The following CLINT1 variants were observed in gnomAD, a reference collection of about 807,000 sequenced individuals.
CLINT1 encodes clathrin interacting protein localized in the trans-Golgi region.
CLINT1 carries 15 observed loss-of-function variants against 70.4 expected under a neutral mutation model. The ratio of observed to expected loss-of-function variants is 0.21; its 90% CI spans 0.14 to 0.33. CLINT1 has a LOEUF of 0.33. Ranked by LOEUF, CLINT1 falls within the 10% of genes least tolerant of loss-of-function variation. The pLI is 1.00. For synonymous variants in CLINT1, 227 were observed against 254.7 expected (o/e 0.89, Z 1.04); for missense variants, 615 against 778.1 (o/e 0.79, Z 2.49).
At chr5:157,788,570 C>A (rs575417571) in intron 11 of CLINT1, among the ~76,000 whole-genome samples, 1 of 152,184 alleles carries the variant, frequency 6.6e-6, no homozygotes, top group Admixed American at 6.5e-5. Context: ...AGCTAACAAT[C>A]ATTTTCCTAA....
chr5:157,846,872 C>T (rs969132346), intron 1 of CLINT1, among the ~76,000 whole-genome samples: 4 of 152,144 alleles, frequency 2.6e-5, no homozygotes, highest in Admixed American at 6.6e-5. Flanking sequence ...TAAATGATGG[C>T]GCATCTGTTT....
chr5:157,816,794 C>A lies in CLINT1; in HGVS notation c.183G>T (p.Met61Ile). Reference protein sequence around the residue: ...TFMYEQFPELMNMLWSRMLKD... With the variant: ...TFMYEQFPELINMLWSRMLKD... ...TTAACATTCGTGACCAAAGCATGTT[C>A]ATAAGTTCTGGAAATTGTTCATACA... The change falls in exon 3 of 12, where the codon ATG becomes ATT. Residue 61 changes from methionine to isoleucine, a missense_variant. By Grantham distance (10) the Met-to-Ile change is conservative (BLOSUM62 1). This residue lies in a region of CLINT1 where 241 missense variants were observed against 368.6 expected (regional missense o/e 0.65). Transcript: ENST00000411809. 6.2e-7 allele frequency: 1 copy of A among 1,610,914 alleles called. No individual in the cohort carries two copies. The highest frequency in any genetic ancestry group is 1.1e-5 in the South Asian group (1 of 90,618).
intron 1 of CLINT1, among the ~76,000 whole-genome samples, chr5:157,822,433 C>T (rs372142825): frequency 8.5e-4 from 130 of 152,288 alleles, no homozygotes; most frequent in African/African-American, 3.0e-3. Context: ...TTTCACCTCC[C>T]GCCATGATTC....
rs915311913 is a variant in CLINT1, at chr5:157,838,166, G to T, written c.42-20619C>A. The stretch of plus-strand genomic sequence containing the variant: ...GATGGAGTCTTGCTCTGTTGCCCAG[G>T]GGCTGGAGTGCAGTGGCACGATCTC... On this transcript the variant is annotated intron_variant, in intron 1 of 11. Transcript: ENST00000411809. 3.4e-5 allele frequency among the ~76,000 whole-genome samples: 5 copies of T among 147,192 alleles called. No homozygotes were observed. In the Middle Eastern group the frequency reaches 0.011, roughly 318 times the overall value.
chr5:157,790,452 AG>A (rs1761867529), intron 10 of CLINT1: 4 of 327,764 alleles, frequency 1.2e-5, no homozygotes, highest in Non-Finnish European at 2.3e-5. Flanking sequence ...TGAAAAGGAC[AG>A]AAAAAAGGAA....
chr5:157,800,438 G>A (rs568301694), intron 8 of CLINT1, among the ~76,000 whole-genome samples: 6 of 152,124 alleles, frequency 3.9e-5, no homozygotes, highest in Non-Finnish European at 7.4e-5. Context: ...ATACCTTCTC[G>A]TGTAAGTGCT....
intron 10 of CLINT1, among the ~76,000 whole-genome samples, chr5:157,791,383 A>G (rs150607049): frequency 2.0e-5 from 3 of 152,142 alleles, no homozygotes; most frequent in Non-Finnish European, 4.4e-5. Context: ...AAGACAATTT[A>G]AAAAAACTAT....
intron 1 of CLINT1, among the ~76,000 whole-genome samples, chr5:157,830,496 C>T (rs955067592): frequency 1.3e-5 from 2 of 152,092 alleles, no homozygotes; most frequent in Non-Finnish European, 2.9e-5. Flanking sequence ...ACATCATCTG[C>T]TTTATTCTTT....
chr5:157,826,995 A>C (rs1347513102), intron 1 of CLINT1, among the ~76,000 whole-genome samples: 2 of 152,194 alleles, frequency 1.3e-5, no homozygotes, highest in African/African-American at 4.8e-5. Flanking sequence ...AGTTTACCTA[A>C]CATTCCAAGA....
chr5:157,813,542 T>C (rs1219280627), intron 4 of CLINT1, among the ~76,000 whole-genome samples: 1 of 152,162 alleles, frequency 6.6e-6, no homozygotes, highest in African/African-American at 2.4e-5. Flanking sequence ...AATAGACATA[T>C]CCATAAGTGC....
At position 157,805,856 on chromosome 5, in the gene CLINT1, C is replaced by T; in HGVS notation, c.942+10G>A. On this transcript the variant is annotated intron_variant, in intron 7 of 11. Coordinates refer to ENST00000411809, the MANE Select transcript of CLINT1 (RefSeq NM_014666.4). ...ACCATGTATAATGTGTAAACTACTG[C>T]CATTCCCACCTTAACTGAAGACTGA... 6.2e-7 allele frequency: 1 copy of T among 1,613,866 alleles called. No homozygotes were observed. Among genetic ancestry groups the T allele is most frequent in the Non-Finnish European group, 8.5e-7 (1 of 1,179,816 alleles).
intron 1 of CLINT1, among the ~76,000 whole-genome samples, chr5:157,835,438 C>T (rs1763386108): frequency 6.6e-6 from 1 of 152,104 alleles, no homozygotes; most frequent in African/African-American, 2.4e-5. Flanking sequence ...GAACCTACCC[C>T]TGTGTTTTCC....
At chr5:157,849,440 A>G (rs1313336033) in intron 1 of CLINT1, among the ~76,000 whole-genome samples, 1 of 152,244 alleles carries the variant, frequency 6.6e-6, no homozygotes, top group Non-Finnish European at 1.5e-5. Flanking sequence ...TAGTGGAAAC[A>G]TAACTTTTAT....
intron 6 of CLINT1, chr5:157,809,274 C>T (rs934530117): frequency 2.9e-5 from 5 of 171,602 alleles, no homozygotes; most frequent in Non-Finnish European, 1.2e-5. Context: ...ATGCATTTGT[C>T]GAAACCCATA....
At chr5:157,791,163 A>G (rs1379477412) in intron 10 of CLINT1, among the ~76,000 whole-genome samples, 1 of 152,016 alleles carries the variant, frequency 6.6e-6, no homozygotes, top group Non-Finnish European at 1.5e-5. Context: ...GGTTCACGCC[A>G]TTCTCCTGAC....
At chr5:157,788,018 A>G (rs1469791941) in intron 11 of CLINT1, 26 bp from the exon 12 acceptor site, 1 of 1,542,240 alleles carries the variant, frequency 6.5e-7, no homozygotes, top group South Asian at 1.2e-5. Context: ...AGACAGAAGA[A>G]CTTTACCACA....
At chr5:157,841,891 A>G (rs1354184962) in intron 1 of CLINT1, among the ~76,000 whole-genome samples, 1 of 152,134 alleles carries the variant, frequency 6.6e-6, no homozygotes. Context: ...TCAGCCTCCA[A>G]AAGTGCTAGG....
At chr5:157,847,785 G>C (rs994112359) in intron 1 of CLINT1, among the ~76,000 whole-genome samples, 1 of 152,196 alleles carries the variant, frequency 6.6e-6, no homozygotes, top group African/African-American at 2.4e-5. Flanking sequence ...TACTGCCAGT[G>C]AAGAACATGG....
At chr5:157,848,713 G>A (rs569002949) in intron 1 of CLINT1, among the ~76,000 whole-genome samples, 258 of 152,278 alleles carry the variant, frequency 1.7e-3, no homozygotes, top group Non-Finnish European at 9.7e-4. Flanking sequence ...CCAGGCTGGA[G>A]TGCAGTGATG....
Sources: allele counts gnomAD v4.1 joint callset (sites outside exome capture counted in the v4.1 genomes callset), GRCh38; gene constraint gnomAD v4.1.1; regional missense constraint gnomAD v4.1.1; transcripts MANE v1.5; gene names NCBI Gene and HGNC (gene_info 2026-07-23, HGNC 2026-07-21).